NFIB: variants seen among roughly 807,000 people sequenced by gnomAD.
NFIB encodes nuclear factor 1 B-type.
In NFIB, 11 loss-of-function variants were observed where a neutral mutation model predicts 61.5. That is an observed-to-expected ratio of 0.18 (90% CI 0.11 to 0.30). NFIB has a LOEUF of 0.30. NFIB is among the 10% of genes least tolerant of loss of function. The pLI is 1.00. For synonymous variants in NFIB, 260 were observed against 216.5 expected, an observed-to-expected ratio of 1.20 and a Z score of -1.76; for missense variants, 471 against 608.9, an observed-to-expected ratio of 0.77 and a Z score of 2.38.
intron 2 of NFIB, among the ~76,000 whole-genome samples, chr9:14,280,020 T>TAC (rs1439516902): frequency 3.0e-4 from 46 of 152,270 alleles, no homozygotes; most frequent in African/African-American, 1.1e-3. Context: ...TCCAAGATGG[T>TAC]ACTTCAAAAT....
rs2061258160 is a variant in NFIB at position 14,363,051 on chromosome 9, TTTA to T, written c.108+35470_108+35472del. On this transcript the variant is annotated intron_variant, in intron 1 of 8. Coordinates refer to the NFIB transcript ENST00000380934. ...TTTATATTTGTAATTTTACATTCATTTTATTGAGTCCCTTTAATATAAGTATAC... is the reference window on the plus strand; with the variant it reads ...TTTATATTTGTAATTTTACATTCATTTTGAGTCCCTTTAATATAAGTATAC... 3.9e-5 allele frequency among the ~76,000 whole-genome samples: 6 copies of T among 152,320 alleles called. No individual in the cohort carries two copies. The South Asian group carries it at 1.2e-3, about 32-fold the overall frequency.
chr9:14,369,157 G>C (rs1057382071), intron 1 of NFIB, among the ~76,000 whole-genome samples: 2 of 152,112 alleles, frequency 1.3e-5, no homozygotes, highest in Non-Finnish European at 2.9e-5. Context: ...AGCTAAGCGA[G>C]GTTAAACAGT....
chr9:14,153,963 ATAAT>A (rs1361819360), intron 4 of NFIB, among the ~76,000 whole-genome samples: 1 of 152,202 alleles, frequency 6.6e-6, no homozygotes, highest in Non-Finnish European at 1.5e-5. Flanking sequence ...ATGAATATAG[ATAAT>A]TAATGTGCTA....
chr9:14,109,849 T>C (rs1487356099), intron 10 of NFIB, among the ~76,000 whole-genome samples: 1 of 152,072 alleles, frequency 6.6e-6, no homozygotes, highest in East Asian at 1.9e-4. Flanking sequence ...AAATGAGATA[T>C]ATTTTCAGTG....
chr9:14,481,388 C>T, the NFIB span, among the ~76,000 whole-genome samples: 16 of 150,342 alleles, frequency 1.1e-4, no homozygotes, highest in African/African-American at 3.9e-4. Context: ...TTCCCCATTT[C>T]CCTCCTGCTG....
At chr9:14,367,905 G>A (rs2061319597) in intron 1 of NFIB, among the ~76,000 whole-genome samples, 1 of 152,156 alleles carries the variant, frequency 6.6e-6, no homozygotes, top group South Asian at 2.1e-4. Flanking sequence ...GGGAGGGATA[G>A]CATTAGGAGA....
At chr9:14,499,347 G>C in the NFIB span, among the ~76,000 whole-genome samples, 2 of 152,098 alleles carry the variant, frequency 1.3e-5, no homozygotes, top group South Asian at 2.1e-4. Flanking sequence ...AGCTTCTTCA[G>C]TGGAAGCTGG....
chr9:14,258,174 CA>C lies in NFIB; in HGVS notation c.562+48814del, dbSNP rs1264979794. ...CTTATCATCACTGAGAACATTCATTCAGATCTACCACAGTTTTATAACTGCT... is the reference window on the plus strand; with the variant it reads ...CTTATCATCACTGAGAACATTCATTCGATCTACCACAGTTTTATAACTGCT... On this transcript the variant is annotated intron_variant, in intron 2 of 10. Transcript: ENST00000380953. Among the ~76,000 whole-genome samples, 3 of 152,196 alleles carry C rather than the reference CA, an allele frequency of 2.0e-5. No individual in the cohort carries two copies. The East Asian group carries it at 5.8e-4, about 29-fold the overall frequency.
At chr9:14,439,758 A>G in the NFIB span, among the ~76,000 whole-genome samples, 2 of 152,162 alleles carry the variant, frequency 1.3e-5, no homozygotes, top group Admixed American at 1.3e-4. Context: ...GGTGGTTCCA[A>G]TTCCAGAGAT....
the NFIB span, among the ~76,000 whole-genome samples, chr9:14,463,666 T>TCC: frequency 2.9e-5 from 2 of 67,884 alleles, no homozygotes; most frequent in Admixed American, 1.8e-4. Context: ...TTTCTTTTTT[T>TCC]TTTTTTTTTT....
chr9:14,467,203 G>A, the NFIB span, among the ~76,000 whole-genome samples: 1 of 152,160 alleles, frequency 6.6e-6, no homozygotes, highest in African/African-American at 2.4e-5. Context: ...GGGCACCACA[G>A]GCTGTCCTGA....
chr9:14,286,464 TCATA>T (rs1159289323), intron 2 of NFIB, among the ~76,000 whole-genome samples: 1 of 152,226 alleles, frequency 6.6e-6, no homozygotes, highest in East Asian at 1.9e-4. Context: ...ATATTTTTTG[TCATA>T]CAGAGAAAAT....
chr9:14,228,772 C>A (rs1345279840), intron 2 of NFIB, among the ~76,000 whole-genome samples: 1 of 152,148 alleles, frequency 6.6e-6, no homozygotes, highest in African/African-American at 2.4e-5. Context: ...CTCTTTGTAA[C>A]TGTATTTTAA....
chr9:14,494,180 T>C, the NFIB span, among the ~76,000 whole-genome samples: 1 of 152,220 alleles, frequency 6.6e-6, no homozygotes, highest in African/African-American at 2.4e-5. Context: ...CATTTGCCTA[T>C]GGTTTAAATT....
At chr9:14,251,208 A>C (rs2055566947) in intron 2 of NFIB, among the ~76,000 whole-genome samples, 1 of 152,228 alleles carries the variant, frequency 6.6e-6, no homozygotes, top group South Asian at 2.1e-4. Flanking sequence ...GAGGAACTCC[A>C]GGTGCAATCA....
intron 2 of NFIB, among the ~76,000 whole-genome samples, chr9:14,278,128 A>T (rs1350010925): frequency 6.6e-6 from 1 of 152,206 alleles, no homozygotes; most frequent in African/African-American, 2.4e-5. Context: ...GATGACCAGT[A>T]TGTCTTTCTA....
the NFIB span, among the ~76,000 whole-genome samples, chr9:14,419,509 C>G: frequency 6.6e-6 from 1 of 152,158 alleles, no homozygotes; most frequent in Admixed American, 6.5e-5. Context: ...GAATGCTCTG[C>G]TGTAGCCATT....
chr9:14,237,801 T>G (rs1369255773), intron 2 of NFIB, among the ~76,000 whole-genome samples: 3 of 133,198 alleles, frequency 2.3e-5, no homozygotes, highest in Non-Finnish European at 4.8e-5. Flanking sequence ...TGTGTGTGTG[T>G]GTGTGTGTGT....
chr9:14,250,177 G>T (rs887862080), intron 2 of NFIB, among the ~76,000 whole-genome samples: 1 of 152,170 alleles, frequency 6.6e-6, no homozygotes, highest in African/African-American at 2.4e-5. Flanking sequence ...TGAGTTTATG[G>T]CCTGTTGAGC....
Sources: allele counts gnomAD v4.1 joint callset (sites outside exome capture counted in the v4.1 genomes callset), GRCh38; gene constraint gnomAD v4.1.1; transcripts MANE v1.5; gene names NCBI Gene and HGNC (gene_info 2026-07-23, HGNC 2026-07-21).